ADK: variants seen among roughly 807,000 people sequenced by gnomAD.
ADK encodes adenosine kinase.
In ADK, 24 loss-of-function variants were observed where a neutral mutation model predicts 44.7. That is an observed-to-expected ratio of 0.54 (90% CI 0.39 to 0.76). ADK has a LOEUF of 0.76. Among genes scored for constraint, ADK ranks in the 30% least tolerant of loss-of-function variants. The pLI is 0.00. For synonymous variants in ADK, 128 were observed against 142.6 expected (o/e 0.90, Z 0.73); for missense variants, 321 against 425.1 (o/e 0.76, Z 2.15).
chr10:74,699,215 C>T (rs1856322413), intron 10 of ADK, among the ~76,000 whole-genome samples: 1 of 150,136 alleles, frequency 6.7e-6, no homozygotes, highest in Non-Finnish European at 1.5e-5. Context: ...ACCAACCACA[C>T]TCTGGGGCCT....
At position 74,450,424 on chromosome 10, in the gene ADK, A is replaced by C. The variant is rs572018930; in HGVS notation, c.555+51845A>C. The stretch of plus-strand genomic sequence containing the variant: ...AGATTGTAAACTCTTTGAGAGTAAG[A>C]ATTATGCAGTTTTGTCTGCTCTTCA... On this transcript the variant is annotated intron_variant, in intron 6 of 10. Coordinates refer to ENST00000539909, the MANE Select transcript of ADK (RefSeq NM_006721.4). Among the ~76,000 whole-genome samples the C allele has an allele frequency of 3.9e-5, 6 of 152,354 alleles. No homozygotes were observed. In the South Asian group the frequency reaches 1.0e-3, roughly 26 times the overall value.
chr10:74,373,461 A>G (rs990743600), intron 4 of ADK, among the ~76,000 whole-genome samples: 4 of 152,214 alleles, frequency 2.6e-5, no homozygotes, highest in African/African-American at 9.6e-5. Context: ...TTTAGACTCA[A>G]TAATGATGAA....
intron 4 of ADK, among the ~76,000 whole-genome samples, chr10:74,362,310 A>T: frequency 1.4e-5 from 2 of 146,464 alleles, no homozygotes; most frequent in African/African-American, 2.5e-5. Context: ...GAACTCACTG[A>T]TTCTTTTATT....
intron 1 of ADK, among the ~76,000 whole-genome samples, chr10:74,197,209 G>T (rs1229731617): frequency 6.6e-6 from 1 of 152,166 alleles, no homozygotes; most frequent in Non-Finnish European, 1.5e-5. Context: ...CCATTCTTGA[G>T]TGAGGAAATT....
intron 4 of ADK, among the ~76,000 whole-genome samples, chr10:74,361,643 A>G (rs149721752): frequency 1.3e-5 from 2 of 152,328 alleles, no homozygotes; most frequent in East Asian, 3.9e-4. Flanking sequence ...CTTACTACAG[A>G]TATTAGTGTT....
At chr10:74,543,191 C>T (rs1161065576) in intron 7 of ADK, among the ~76,000 whole-genome samples, 1 of 150,268 alleles carries the variant, frequency 6.7e-6, no homozygotes, top group African/African-American at 2.5e-5. Context: ...TGAGCCACAG[C>T]GCCTGGCCTA....
At chr10:74,426,353 C>T (rs184588706) in intron 6 of ADK, among the ~76,000 whole-genome samples, 164 of 152,180 alleles carry the variant, frequency 1.1e-3, no homozygotes, top group African/African-American at 3.9e-3. Flanking sequence ...ATATTGGAAA[C>T]CATATAAATG....
At chr10:74,239,467 T>G (rs1035000886) in intron 3 of ADK, among the ~76,000 whole-genome samples, 2 of 152,026 alleles carry the variant, frequency 1.3e-5, no homozygotes, top group Non-Finnish European at 2.9e-5. Context: ...CCCACCACTT[T>G]GGGGTGGTCG....
chr10:74,500,268 ACTACT>A (rs1374190830), intron 6 of ADK, among the ~76,000 whole-genome samples: 4 of 152,124 alleles, frequency 2.6e-5, no homozygotes, highest in Non-Finnish European at 5.9e-5. Flanking sequence ...TACAGCCTTG[ACTACT>A]CTACTTTTTC....
intron 7 of ADK, among the ~76,000 whole-genome samples, chr10:74,542,524 T>C (rs1056547378): frequency 6.6e-6 from 1 of 152,176 alleles, no homozygotes; most frequent in African/African-American, 2.4e-5. Context: ...TAATTTTTTT[T>C]AAATATGTGA....
At chr10:74,302,105 G>GTTTTTTTTTTTTTTTTTTTTTT (rs1840065150) in intron 3 of ADK, among the ~76,000 whole-genome samples, 1 of 88,932 alleles carries the variant, frequency 1.1e-5, no homozygotes, top group African/African-American at 5.3e-5. Context: ...TTTTTTGTTT[G>GTTTTTTTTTTTTTTTTTTTTTT]TTTGTTTTTT....
At chr10:74,159,677 C>T (rs1841839288) in intron 1 of ADK, among the ~76,000 whole-genome samples, 2 of 152,110 alleles carry the variant, frequency 1.3e-5, no homozygotes, top group African/African-American at 4.8e-5. Context: ...ACTGCAACCT[C>T]CGCCTCCTGG....
intron 10 of ADK, among the ~76,000 whole-genome samples, chr10:74,697,701 G>C (rs182690512): frequency 2.0e-5 from 3 of 152,050 alleles, no homozygotes; most frequent in Admixed American, 6.6e-5. Context: ...CTCCATTAAG[G>C]CTTCCGTACC....
chr10:74,577,645 A>G (rs1215403395), intron 7 of ADK, among the ~76,000 whole-genome samples: 1 of 152,076 alleles, frequency 6.6e-6, no homozygotes, highest in African/African-American at 2.4e-5. Context: ...ATTAAAAAAA[A>G]ATTACAATGT....
chr10:74,650,473 CA>C (rs1388614086), intron 9 of ADK, among the ~76,000 whole-genome samples: 3 of 152,072 alleles, frequency 2.0e-5, no homozygotes, highest in Non-Finnish European at 4.4e-5. Context: ...TCACATAGAA[CA>C]TTTACTTATA....
intron 1 of ADK, among the ~76,000 whole-genome samples, chr10:74,200,463 G>C (rs1591842236): frequency 7.0e-6 from 1 of 142,412 alleles, no homozygotes; most frequent in East Asian, 2.0e-4. Flanking sequence ...CGGCCTGGGC[G>C]ACAAGAGCGA....
chr10:74,546,910 C>T (rs75242757), intron 7 of ADK, among the ~76,000 whole-genome samples: 4,030 of 152,084 alleles, frequency 0.026, 180 homozygotes, highest in African/African-American at 0.092. Context: ...CATTGTAGAG[C>T]GTTAAAAATA....
At chr10:74,583,102 A>AT (rs1217645639) in intron 7 of ADK, among the ~76,000 whole-genome samples, 9 of 152,246 alleles carry the variant, frequency 5.9e-5, no homozygotes, top group Non-Finnish European at 1.2e-4. Flanking sequence ...ACATAAAGTA[A>AT]AGGTAACTCA....
chr10:74,650,143 G>A (rs1363985067), intron 9 of ADK, among the ~76,000 whole-genome samples: 1 of 152,196 alleles, frequency 6.6e-6, no homozygotes, highest in Non-Finnish European at 1.5e-5. Flanking sequence ...TTGTTGGCCA[G>A]TCGCAGTGGC....
Sources: allele counts gnomAD v4.1 joint callset (sites outside exome capture counted in the v4.1 genomes callset), GRCh38; gene constraint gnomAD v4.1.1; transcripts MANE v1.5; gene names NCBI Gene and HGNC (gene_info 2026-07-23, HGNC 2026-07-21).